IL6R: variants seen among roughly 807,000 people sequenced by gnomAD.
The protein encoded by IL6R is interleukin 6 receptor.
A neutral mutation model predicts 48.3 loss-of-function variants in IL6R; 38 were observed. The observed-to-expected ratio is 0.79, with a 90% CI of 0.61 to 1.03. The LOEUF (loss-of-function observed/expected upper bound fraction) is 1.03. Ranked by LOEUF, IL6R falls within the 50% of genes least tolerant of loss-of-function variation. IL6R has a pLI of 0.00. For synonymous variants in IL6R, 264 were observed against 256.2 expected, an observed-to-expected ratio of 1.03 and a Z score of -0.29; for missense variants, 534 against 618.3, an observed-to-expected ratio of 0.86 and a Z score of 1.45.
intron 1 of IL6R, chr1:154,414,385 C>T: frequency 1.4e-6 from 2 of 1,416,824 alleles, no homozygotes; most frequent in South Asian, 2.3e-5. Flanking sequence ...TCTCCAGCTG[C>T]CGGGCATACT....
intron 6 of IL6R, among the ~76,000 whole-genome samples, chr1:154,446,494 G>GA (rs1690237871): frequency 6.6e-6 from 1 of 152,152 alleles, no homozygotes; most frequent in Non-Finnish European, 1.5e-5. Context: ...CCATTCTGTG[G>GA]AATTTTAGAA....
At chr1:154,439,787 C>T (rs753915736) in intron 6 of IL6R, among the ~76,000 whole-genome samples, 1 of 152,220 alleles carries the variant, frequency 6.6e-6, no homozygotes, top group Non-Finnish European at 1.5e-5. Flanking sequence ...AACCACCAGT[C>T]TACTTGCTTT....
At chr1:154,456,206 CTTTT>C (rs34592707) in intron 9 of IL6R, among the ~76,000 whole-genome samples, 1 of 135,000 alleles carries the variant, frequency 7.4e-6, no homozygotes, top group Admixed American at 7.5e-5. Flanking sequence ...TGAATAGATT[CTTTT>C]TTTTTTTTTT....
At position 154,448,122 on chromosome 1, in the gene IL6R, C is replaced by T. The variant is rs1690378265; in HGVS notation, c.950-3C>T. 6.2e-7 allele frequency: 1 copy of T among 1,613,304 alleles called. No homozygotes were observed. The highest frequency in any genetic ancestry group is 1.3e-5 in the African/African-American group (1 of 75,032). On this transcript the variant is annotated splice_region_variant and splice_polypyrimidine_tract_variant and intron_variant, in intron 6 of 9. Coordinates refer to ENST00000368485, the MANE Select transcript of IL6R (RefSeq NM_000565.4). ...TAATAATGAGCCTTTCTTCTGTCCG[C>T]AGAATCCAGGAGTCCTCCAGCTGAG...
chr1:154,435,308 G>A lies in IL6R; in HGVS notation c.807+152G>A, dbSNP rs1558314802. ...GCGAATCACTTGAGGTCAGGAGTTC[G>A]AGACCATCCTGGCCAACATGGTGAA... On this transcript the variant is annotated intron_variant, in intron 5 of 9. Coordinates refer to ENST00000368485, the MANE Select transcript of IL6R (RefSeq NM_000565.4). The A allele has an allele frequency of 6.0e-6, 4 of 665,516 alleles. No individual in the cohort carries two copies. The East Asian group carries it at 8.2e-5, about 14-fold the overall frequency. 41.2% of individuals were successfully genotyped at this position (665,516 alleles called of 1,614,324 possible).
At chr1:154,443,406 G>C (rs950819284) in intron 6 of IL6R, among the ~76,000 whole-genome samples, 6 of 152,216 alleles carry the variant, frequency 3.9e-5, no homozygotes, top group African/African-American at 1.4e-4. Context: ...ATTTTGCCCT[G>C]TTCACTTATC....
intron 6 of IL6R, among the ~76,000 whole-genome samples, chr1:154,437,722 T>A (rs1428423114): frequency 6.9e-6 from 1 of 143,948 alleles, no homozygotes; most frequent in Non-Finnish European, 1.5e-5. Flanking sequence ...AAACTTTAAA[T>A]TTTTTTTTTT....
At chr1:154,435,407 G>A (rs536267796) in intron 5 of IL6R, among the ~76,000 whole-genome samples, 10 of 151,968 alleles carry the variant, frequency 6.6e-5, no homozygotes, top group African/African-American at 1.7e-4. Flanking sequence ...CTATTCGGGG[G>A]CTGAGACAGG....
intron 3 of IL6R, among the ~76,000 whole-genome samples, chr1:154,433,093 A>C (rs1350735731): frequency 6.6e-6 from 1 of 152,204 alleles, no homozygotes; most frequent in East Asian, 1.9e-4. Flanking sequence ...ACCTGGGCAC[A>C]CACGTAAAGC....
In IL6R at chr1:154,434,988, A is replaced by G; in HGVS notation, c.641-2A>G. ...AAGGAGTCATGCTCACTTTTCCCAC[A>G]GTGCAGCCTGATCCGCCTGCCAACA... On this transcript the variant is annotated splice_acceptor_variant, in intron 4 of 9. Transcript: ENST00000368485. LOFTEE classifies it high-confidence loss of function. 4 of 1,613,794 alleles carry G rather than the reference A, an allele frequency of 2.5e-6. No homozygotes were observed. Among genetic ancestry groups the G allele is most frequent in the Non-Finnish European group, 3.4e-6 (4 of 1,179,938 alleles).
chr1:154,444,184 C>T lies in IL6R; in HGVS notation c.950-3941C>T, dbSNP rs187267270. 2.2e-3 allele frequency among the ~76,000 whole-genome samples: 332 copies of T among 151,446 alleles called. 4 individuals carry two copies. The highest frequency in any genetic ancestry group is 0.014 in the South Asian group (69 of 4,782). On this transcript the variant is annotated intron_variant, in intron 6 of 9. Transcript: ENST00000368485. Reference sequence around the variant, plus strand: ...GGTCTGTAAAATTTCAAAAACAATTCTGGGGACCAATTAAAGTTGCTAGCT... The same window carrying T: ...GGTCTGTAAAATTTCAAAAACAATTTTGGGGACCAATTAAAGTTGCTAGCT...
intron 1 of IL6R, among the ~76,000 whole-genome samples, chr1:154,415,589 A>G (rs1355492558): frequency 6.6e-6 from 1 of 152,236 alleles, no homozygotes; most frequent in Admixed American, 6.5e-5. Context: ...TGAGAAGATC[A>G]AGTTAGTTAA....
chr1:154,416,857 G>A (rs926069088), intron 1 of IL6R, among the ~76,000 whole-genome samples: 1 of 152,142 alleles, frequency 6.6e-6, no homozygotes, highest in African/African-American at 2.4e-5. Flanking sequence ...ACACATGCAT[G>A]GAACCACCAT....
At chr1:154,425,498 C>T (rs561617587) in intron 1 of IL6R, among the ~76,000 whole-genome samples, 46 of 152,016 alleles carry the variant, frequency 3.0e-4, no homozygotes, top group Admixed American at 6.6e-4. Flanking sequence ...TAAATGAGGC[C>T]GGGCCAGGTT....
intron 6 of IL6R, among the ~76,000 whole-genome samples, chr1:154,447,687 T>TTTTGTTTTGTTTTGC (rs1364410846): frequency 2.0e-5 from 2 of 101,324 alleles, no homozygotes; most frequent in Non-Finnish European, 4.3e-5. Context: ...GCATGCTGTT[T>TTTTGTTTTGTTTTGC]TTTGTTTTGT....
At chr1:154,407,838 C>T (rs981028212) in intron 1 of IL6R, among the ~76,000 whole-genome samples, 7 of 152,172 alleles carry the variant, frequency 4.6e-5, no homozygotes, top group Non-Finnish European at 8.8e-5. Flanking sequence ...TCTGCCGGTT[C>T]CAACACTCTG....
intron 4 of IL6R, 100 bp from the exon 5 acceptor site, chr1:154,434,890 C>T (rs765025818): frequency 4.8e-5 from 65 of 1,341,126 alleles, no homozygotes; most frequent in Non-Finnish European, 6.3e-5. Context: ...GGGGAGTGAA[C>T]GGGGCTGGGT....
At chr1:154,462,277 A>T (rs1056689925) in intron 9 of IL6R, among the ~76,000 whole-genome samples, 8 of 151,488 alleles carry the variant, frequency 5.3e-5, no homozygotes, top group African/African-American at 1.7e-4. Context: ...CACAGCCATG[A>T]TTATTCTGTA....
chr1:154,419,511 C>A (rs1237528265), intron 1 of IL6R, among the ~76,000 whole-genome samples: 1 of 152,202 alleles, frequency 6.6e-6, no homozygotes, highest in Non-Finnish European at 1.5e-5. Flanking sequence ...TCCTCTGTAG[C>A]CCCTTCTGAA....
Sources: allele counts gnomAD v4.1 joint callset (sites outside exome capture counted in the v4.1 genomes callset), GRCh38; gene constraint gnomAD v4.1.1; transcripts MANE v1.5; gene names NCBI Gene and HGNC (gene_info 2026-07-23, HGNC 2026-07-21).